Variants in TBC1D12 observed in about 807,000 individuals in gnomAD.
TBC1D12 encodes the protein TBC1 domain family member 12, also known as TBC1 domain family, member 12.
Under a neutral mutation model 86.7 loss-of-function variants are expected in TBC1D12, and 56 were observed. That is an observed-to-expected ratio of 0.65 (90% CI 0.52 to 0.81). The LOEUF is 0.81. TBC1D12 is among the 30% of genes least tolerant of loss of function. The pLI, the probability that TBC1D12 is intolerant of heterozygous loss-of-function variation, is 0.00. For missense variants in TBC1D12, 1,023 were observed against 1,038.8 expected (o/e 0.98, Z 0.21); for synonymous variants, 421 against 411.7 (o/e 1.02, Z -0.27).
At chr10:94,466,969 T>G (rs180830391) in intron 2 of TBC1D12, among the ~76,000 whole-genome samples, 224 of 152,314 alleles carry the variant, frequency 1.5e-3, no homozygotes, top group Middle Eastern at 3.4e-3. Context: ...TGGTCTATTA[T>G]TTTCTAGAAT....
chr10:94,507,914 G>A (rs2056481114), intron 7 of TBC1D12, among the ~76,000 whole-genome samples: 1 of 152,126 alleles, frequency 6.6e-6, no homozygotes, highest in Admixed American at 6.5e-5. Context: ...TTGAACCTGG[G>A]AGGCAGAGGT....
intron 2 of TBC1D12, among the ~76,000 whole-genome samples, chr10:94,445,799 TTAGC>T (rs1249025629): frequency 6.6e-6 from 1 of 151,998 alleles, no homozygotes; most frequent in Non-Finnish European, 1.5e-5. Context: ...AATACAAAAA[TTAGC>T]TAGGTGTGGT....
intron 7 of TBC1D12, among the ~76,000 whole-genome samples, chr10:94,507,660 T>C (rs762754458): frequency 1.8e-3 from 272 of 152,282 alleles, no homozygotes; most frequent in Non-Finnish European, 3.1e-3. Context: ...GAATTAAAAT[T>C]ATAAGTATTC....
Position 94,534,022 on chromosome 10 carries a change from CCA to C in TBC1D12, c.*927_*928del, listed in dbSNP as rs1423423491. The stretch of plus-strand genomic sequence containing the variant: ...GTTACAATTCTTCCACTGTTTAACT[CCA>C]GTTTGAAATTTGAAATCTAATATGT... On this transcript the variant is annotated 3_prime_UTR_variant, in exon 13 of 13. Transcript: ENST00000225235. 1 of 152,090 alleles carries C rather than the reference CCA, an allele frequency of 6.6e-6. No individual in the cohort carries two copies. The highest frequency in any genetic ancestry group is 1.9e-4 in the East Asian group (1 of 5,198). The allele number at this position is 152,090 out of a possible 1,614,324, so 9.4% of individuals were successfully genotyped here.
rs1343574649 is a variant in TBC1D12 at position 94,460,774 on chromosome 10, T to C, written c.1096-13894T>C. Among the ~76,000 whole-genome samples the C allele has an allele frequency of 2.6e-5, 4 of 152,102 alleles. No homozygotes were observed. In the East Asian group the frequency reaches 5.8e-4, roughly 22 times the overall value. On this transcript the variant is annotated intron_variant, in intron 2 of 12. Coordinates refer to ENST00000225235, the MANE Select transcript of TBC1D12 (RefSeq NM_015188.2). ...GTTCTTGGATATTCTGTACTTTTTT[T>C]CCCAGTCTTTTTTCTCTTTGCTTTT...
At chr10:94,526,860 G>T (rs1842303271) in intron 11 of TBC1D12, among the ~76,000 whole-genome samples, 1 of 152,184 alleles carries the variant, frequency 6.6e-6, no homozygotes, top group African/African-American at 2.4e-5. Context: ...CAGTGTATAA[G>T]AGTTCCCTTT....
chr10:94,450,435 A>G (rs188774240), intron 2 of TBC1D12, among the ~76,000 whole-genome samples: 19 of 152,128 alleles, frequency 1.2e-4, no homozygotes, highest in Non-Finnish European at 2.4e-4. Context: ...AAATTGAAAA[A>G]GCAAACAGGA....
At chr10:94,476,007 A>G (rs1419851197) in intron 3 of TBC1D12, among the ~76,000 whole-genome samples, 1 of 152,032 alleles carries the variant, frequency 6.6e-6, no homozygotes, top group Admixed American at 6.6e-5. Flanking sequence ...TGGCACAATC[A>G]TAGCTTACTG....
chr10:94,439,503 G>A (rs186572315), intron 1 of TBC1D12, among the ~76,000 whole-genome samples: 2 of 152,236 alleles, frequency 1.3e-5, no homozygotes, highest in South Asian at 2.1e-4. Context: ...CTGCAGGAAC[G>A]CCATCTCCAG....
At chr10:94,432,416 AATATTTGTAATG>A (rs2055230236) in intron 1 of TBC1D12, among the ~76,000 whole-genome samples, 1 of 152,202 alleles carries the variant, frequency 6.6e-6, no homozygotes, top group African/African-American at 2.4e-5. Flanking sequence ...TTCCATATAC[AATATTTGTAATG>A]ATATTTTAAA....
intron 9 of TBC1D12, 102 bp from the exon 10 acceptor site, chr10:94,521,853 C>A: frequency 9.3e-7 from 1 of 1,073,824 alleles, no homozygotes; most frequent in Non-Finnish European, 1.2e-6. Context: ...TTGGTTAATT[C>A]TACTTTGTAA....
At chr10:94,465,353 T>C (rs1163964777) in intron 2 of TBC1D12, among the ~76,000 whole-genome samples, 2 of 152,124 alleles carry the variant, frequency 1.3e-5, no homozygotes, top group African/African-American at 2.4e-5. Context: ...CTGTTAAATA[T>C]ATGGTGGCAT....
At chr10:94,430,598 T>A (rs1038889772) in intron 1 of TBC1D12, among the ~76,000 whole-genome samples, 3 of 152,206 alleles carry the variant, frequency 2.0e-5, no homozygotes, top group Non-Finnish European at 2.9e-5. Flanking sequence ...GTAGCTTTTT[T>A]TGTGTGTGAT....
chr10:94,414,814 G>A (rs12777300), intron 1 of TBC1D12, among the ~76,000 whole-genome samples: 30,995 of 151,952 alleles, frequency 0.2, 3,332 homozygotes, highest in South Asian at 0.35. Flanking sequence ...TGGCCAGGGC[G>A]GTCTCGAACT....
At chr10:94,429,321 C>T (rs2055186194) in intron 1 of TBC1D12, among the ~76,000 whole-genome samples, 1 of 150,906 alleles carries the variant, frequency 6.6e-6, no homozygotes, top group Non-Finnish European at 1.5e-5. Context: ...TTTGTAATAA[C>T]AAAGACAAGA....
At chr10:94,529,771 A>G (rs1842379267) in intron 11 of TBC1D12, among the ~76,000 whole-genome samples, 1 of 152,090 alleles carries the variant, frequency 6.6e-6, no homozygotes. Flanking sequence ...AGGAAAAAAA[A>G]GTCCTCCATT....
At chr10:94,529,640 T>C (rs899749401) in intron 11 of TBC1D12, among the ~76,000 whole-genome samples, 1 of 152,144 alleles carries the variant, frequency 6.6e-6, no homozygotes, top group African/African-American at 2.4e-5. Context: ...TTTTTCAATG[T>C]ATTCTCTTCC....
rs375830022 is a variant in TBC1D12, at chr10:94,498,476, CAG to C, written c.1412+1307_1412+1308del. On this transcript the variant is annotated intron_variant, in intron 5 of 12. Transcript: ENST00000225235. ...TTTTTGTTTTTGTTTTGTTTTGAGA[CAG>C]AGTCTCCCTCTGTCACCCAGGCTGG... Among the ~76,000 whole-genome samples the C allele has an allele frequency of 1.9e-4, 29 of 152,076 alleles. No individual in the cohort carries two copies. The East Asian group carries it at 5.4e-3, about 28-fold the overall frequency.
At chr10:94,510,269 A>T in intron 8 of TBC1D12, 90 bp downstream of exon 8, 3 of 835,442 alleles carry the variant, frequency 3.6e-6, no homozygotes, top group Non-Finnish European at 5.4e-6. Context: ...CTATTACTTT[A>T]AAAAAGGCAA....
Sources: gnomAD v4.1 joint callset for allele counts (sites outside exome capture counted in the v4.1 genomes callset) on GRCh38, gnomAD v4.1.1 for gene constraint, MANE v1.5 for transcripts, NCBI Gene and HGNC (gene_info 2026-07-23, HGNC 2026-07-21) for gene names.